Variants in SMG6 observed in about 807,000 individuals in gnomAD.
SMG6 encodes SMG6 nonsense mediated mRNA decay factor.
SMG6 carries 66 observed loss-of-function variants against 142.2 expected under a neutral mutation model. That is an observed-to-expected ratio of 0.46 (90% confidence interval 0.38 to 0.57). The LOEUF is 0.57. Ranked by LOEUF, SMG6 falls within the 20% of genes least tolerant of loss-of-function variation. The pLI is 0.00. For synonymous variants in SMG6, 779 were observed against 702.4 expected, an observed-to-expected ratio of 1.11 and a Z score of -1.72; for missense variants, 1,793 against 1,832.0, an observed-to-expected ratio of 0.98 and a Z score of 0.39.
chr17:2,173,846 T>A (rs1013296013), intron 12 of SMG6, among the ~76,000 whole-genome samples: 2 of 65,996 alleles, frequency 3.0e-5, no homozygotes, highest in African/African-American at 6.5e-5. Context: ...TCCATAAAGC[T>A]TTTTTTTTTT....
At chr17:2,180,605 G>A (rs928469704) in intron 12 of SMG6, among the ~76,000 whole-genome samples, 3 of 152,176 alleles carry the variant, frequency 2.0e-5, no homozygotes, top group African/African-American at 7.2e-5. Flanking sequence ...GGAAGGAAGA[G>A]GAGCATGGGC....
At chr17:2,277,149 A>AT (rs2074668813) in intron 8 of SMG6, among the ~76,000 whole-genome samples, 1 of 73,700 alleles carries the variant, frequency 1.4e-5, no homozygotes, top group African/African-American at 6.7e-5. Context: ...TTATTTATTT[A>AT]TTTATTTATT....
rs752186147 is a variant in SMG6 at position 2,299,101 on chromosome 17, G to C, written c.1652C>G (p.Ser551Ter). 6.2e-7 allele frequency: 1 copy of C among 1,614,156 alleles called. No individual in the cohort carries two copies. The highest frequency in any genetic ancestry group is 8.5e-7 in the Non-Finnish European group (1 of 1,180,004). Residue 551 changes from serine (S) to a stop codon, truncating the protein, a stop_gained, in exon 2 of 19, where the codon TCA becomes TGA. Transcript: ENST00000263073. LOFTEE classifies it high-confidence loss of function. The surrounding 1 kb of genome is among the most constrained non-coding windows in gnomAD (Gnocchi z 4.3). ...TAGAGGGCTACACACATACTGTCCTGACGGAGTCGGGTAGCCTGGGTAGTA... is the reference window on the plus strand; with the variant it reads ...TAGAGGGCTACACACATACTGTCCTCACGGAGTCGGGTAGCCTGGGTAGTA... ...GPYYPGYPTP[S>*]GQYVCSPLPT...
At position 2,300,303 on chromosome 17, in the gene SMG6, T is replaced by C. The variant is rs750932187; in HGVS notation, c.450A>G (p.Arg150=). Residue 150 remains arginine (R), a synonymous_variant, in exon 2 of 19, where the codon CGA becomes CGG. Coordinates refer to ENST00000263073, the MANE Select transcript of SMG6 (RefSeq NM_017575.5). ...KPDLQIYQPG[R]RLQTVSKESA... ...ATTCTTTGCTAACAGTCTGCAAACG[T>C]CGTCCAGGCTGATAGATCTGCAGGT... 1.2e-6 allele frequency: 2 copies of C among 1,614,106 alleles called. No individual in the cohort carries two copies. Among genetic ancestry groups the C allele is most frequent in the South Asian group, 2.2e-5 (2 of 91,082 alleles).
chr17:2,157,443 C>T (rs2071041696), intron 13 of SMG6, among the ~76,000 whole-genome samples: 1 of 152,218 alleles, frequency 6.6e-6, no homozygotes. Flanking sequence ...ACCCAACTAC[C>T]TCTCCTGTTC....
At chr17:2,162,441 G>C (rs1278625384) in intron 13 of SMG6, among the ~76,000 whole-genome samples, 1 of 149,588 alleles carries the variant, frequency 6.7e-6, no homozygotes, top group Non-Finnish European at 1.5e-5. Context: ...GTGAACCCAG[G>C]AGGTGGAGCT....
At chr17:2,073,708 C>CA (rs1309950009) in intron 15 of SMG6, among the ~76,000 whole-genome samples, 42,458 of 70,228 alleles carry the variant, frequency 0.6, 12,379 homozygotes, top group Middle Eastern at 0.66. Context: ...GACTCCGTCT[C>CA]AAAAAAAAAA....
chr17:2,085,809 A>C lies in SMG6; in HGVS notation c.3450T>G (p.Gly1150=). The C allele has an allele frequency of 1.9e-6, 3 of 1,613,628 alleles. No individual in the cohort carries two copies. The highest frequency in any genetic ancestry group is 2.5e-6 in the Non-Finnish European group (3 of 1,179,896). Residue 1150 remains glycine (G), a synonymous_variant, in exon 14 of 19, where the codon GGT becomes GGG. Coordinates refer to ENST00000263073, the MANE Select transcript of SMG6 (RefSeq NM_017575.5). The surrounding 1 kb of genome is among the most constrained non-coding windows in gnomAD (Gnocchi z 4.1). ...CGGGTGCCACTGACACATACTTTCCACCCTTGAATGCCAGCAGAGGCTCTT... is the reference window on the plus strand; with the variant it reads ...CGGGTGCCACTGACACATACTTTCCCCCCTTGAATGCCAGCAGAGGCTCTT... ...GQEEPLLAFK[G]GKYVSVAPVP...
At chr17:2,197,658 G>C (rs1189240658) in intron 10 of SMG6, among the ~76,000 whole-genome samples, 1 of 151,416 alleles carries the variant, frequency 6.6e-6, no homozygotes, top group Admixed American at 6.6e-5. Flanking sequence ...TTTAGAAAAT[G>C]GGCAAAAAAA....
intron 13 of SMG6, among the ~76,000 whole-genome samples, chr17:2,121,646 T>TGTGTGTAG (rs1567614363): frequency 9.6e-6 from 1 of 104,310 alleles, no homozygotes; most frequent in South Asian, 3.2e-4. Context: ...TGTGTGTGTG[T>TGTGTGTAG]AGAGAGAGAG....
At chr17:2,274,560 C>T (rs565821774) in intron 8 of SMG6, among the ~76,000 whole-genome samples, 41 of 152,138 alleles carry the variant, frequency 2.7e-4, no homozygotes, top group Non-Finnish European at 5.1e-4. Context: ...CAGACAGACA[C>T]GTATTACATT....
chr17:2,203,945 C>T (rs1401884955), intron 10 of SMG6, among the ~76,000 whole-genome samples: 1 of 152,152 alleles, frequency 6.6e-6, no homozygotes, highest in Non-Finnish European at 1.5e-5. Context: ...AACTCAATTT[C>T]TTTTCATTCT....
intron 13 of SMG6, among the ~76,000 whole-genome samples, chr17:2,129,833 CAAATAG>C (rs1178736937): frequency 7.8e-6 from 1 of 127,688 alleles, no homozygotes; most frequent in Non-Finnish European, 1.7e-5. Flanking sequence ...AAATCCATGA[CAAATAG>C]ATTTAATAAT....
chr17:2,274,992 T>TA (rs2074616604), intron 8 of SMG6, among the ~76,000 whole-genome samples: 2 of 93,082 alleles, frequency 2.1e-5, no homozygotes, highest in Admixed American at 2.4e-4. Context: ...GGAATAAGCA[T>TA]AAAAAAGCAT....
chr17:2,068,640 C>T lies in SMG6; in HGVS notation c.3835+138G>A, dbSNP rs1420545405. 1.8e-5 allele frequency: 15 copies of T among 811,754 alleles called. No homozygotes were observed. The highest frequency in any genetic ancestry group is 2.7e-5 in the East Asian group (1 of 36,916). The allele number at this position is 811,754 out of a possible 1,614,324, so 50.3% of individuals were successfully genotyped here. ...ATTAAACAGTTTTCTTTGCCCCACG[C>T]GTTCCCTACTCCCCTGCAAATCCCA... On this transcript the variant is annotated intron_variant, in intron 16 of 18. Coordinates refer to ENST00000263073, the MANE Select transcript of SMG6 (RefSeq NM_017575.5). This position sits in a 1 kb window ranked among gnomAD's most constrained non-coding sequence, Gnocchi z 6.7.
intron 10 of SMG6, among the ~76,000 whole-genome samples, chr17:2,222,889 G>A (rs2073217051): frequency 6.6e-6 from 1 of 152,184 alleles, no homozygotes; most frequent in African/African-American, 2.4e-5. Flanking sequence ...GCAGGCATCT[G>A]AAAAATAATA....
intron 13 of SMG6, among the ~76,000 whole-genome samples, chr17:2,097,638 TA>T (rs2068892348): frequency 6.6e-6 from 1 of 152,104 alleles, no homozygotes; most frequent in Non-Finnish European, 1.5e-5. Context: ...TGGGGCCATG[TA>T]AAAAAACAAA....
chr17:2,188,654 T>C (rs1463563187), intron 10 of SMG6, 139 bp from the exon 11 acceptor site: 1 of 675,124 alleles, frequency 1.5e-6, no homozygotes, highest in African/African-American at 1.8e-5. Flanking sequence ...TAAGGCCAAG[T>C]AGAAAATGCA....
At chr17:2,251,471 A>G (rs574193377) in intron 8 of SMG6, among the ~76,000 whole-genome samples, 1 of 152,258 alleles carries the variant, frequency 6.6e-6, no homozygotes, top group South Asian at 2.1e-4. Flanking sequence ...CAGCTCAATT[A>G]GCTTCAATTA....
Sources: gnomAD v4.1 joint callset for allele counts (sites outside exome capture counted in the v4.1 genomes callset) on GRCh38, gnomAD v4.1.1 for gene constraint, Gnocchi (gnomAD v3.1) non-coding constraint, MANE v1.5 for transcripts, NCBI Gene and HGNC (gene_info 2026-07-23, HGNC 2026-07-21) for gene names.